Variants in CERK observed in about 807,000 individuals in gnomAD.
CERK encodes the protein ceramide kinase, also known as acylsphingosine kinase.
CERK carries 39 observed loss-of-function variants against 63.4 expected under a neutral mutation model. The ratio of observed to expected loss-of-function variants is 0.61; its 90% confidence interval spans 0.48 to 0.80. The LOEUF (loss-of-function observed/expected upper bound fraction) is 0.80. CERK is among the 30% of genes least tolerant of loss of function. The pLI, the probability that CERK is intolerant of heterozygous loss-of-function variation, is 0.00. For missense variants in CERK, 670 were observed against 714.1 expected, an observed-to-expected ratio of 0.94 and a Z score of 0.70; for synonymous variants, 302 against 280.0, an observed-to-expected ratio of 1.08 and a Z score of -0.78.
At chr22:46,712,510 CAT>C (rs756839635) in intron 3 of CERK, among the ~76,000 whole-genome samples, 7 of 152,224 alleles carry the variant, frequency 4.6e-5, no homozygotes, top group Non-Finnish European at 8.8e-5. Context: ...GCTATACACA[CAT>C]GTCGGACATC....
chr22:46,723,616 C>G (rs1280164577), intron 1 of CERK, among the ~76,000 whole-genome samples: 1 of 152,012 alleles, frequency 6.6e-6, no homozygotes, highest in Non-Finnish European at 1.5e-5. Flanking sequence ...GAGACTCAGT[C>G]TCAGGAAAAC....
At chr22:46,690,748 A>C (rs1043724076) in intron 11 of CERK, among the ~76,000 whole-genome samples, 4 of 152,164 alleles carry the variant, frequency 2.6e-5, no homozygotes, top group African/African-American at 4.8e-5. Context: ...AGGCTACAGA[A>C]AGATGTGGTA....
Position 46,720,836 on chromosome 22 carries a change from G to T in CERK, c.256+66C>A. The T allele has an allele frequency of 5.1e-6, 5 of 983,282 alleles. No homozygotes were observed. In the South Asian group the frequency reaches 6.7e-5, roughly 13 times the overall value. 60.9% of individuals were successfully genotyped at this position (983,282 alleles called of 1,614,324 possible). A position where few individuals can be genotyped will look rare whatever the true frequency, so the allele number is the denominator to read the frequency against. ...AGCTTGTTAAACAAGTAACAGAAAA[G>T]TTCCCTCTCGTGTAATCTACATAGA... On this transcript the variant is annotated intron_variant, in intron 2 of 12. Coordinates refer to ENST00000216264, the MANE Select transcript of CERK (RefSeq NM_022766.6).
rs753618098 is a variant in CERK at position 46,690,148 on chromosome 22, G to T, written c.1385C>A (p.Ser462Ter). Residue 462 changes from serine (S) to a stop codon, truncating the protein, a stop_gained, in exon 12 of 13, where the codon TCG becomes TAG. Coordinates refer to ENST00000216264, the MANE Select transcript of CERK (RefSeq NM_022766.6). LOFTEE classifies it high-confidence loss of function. The stretch of plus-strand genomic sequence containing the variant: ...GCTGTCCTCATCCTCCATGTGCTTC[G>T]ACGTAAACTGGAATTTCTTGACGCG... ...VYRVKKFQFT[S>*]KHMEDEDSDL... 6.2e-7 allele frequency: 1 copy of T among 1,613,976 alleles called. No individual in the cohort carries two copies. The highest frequency in any genetic ancestry group is 2.2e-5 in the East Asian group (1 of 44,866).
intron 1 of CERK, among the ~76,000 whole-genome samples, chr22:46,724,699 T>C (rs2082908914): frequency 6.6e-6 from 1 of 152,154 alleles, no homozygotes; most frequent in South Asian, 2.1e-4. Context: ...AAATGTCCGA[T>C]AAATGATGGC....
At chr22:46,717,319 G>T (rs1342962964) in intron 3 of CERK, among the ~76,000 whole-genome samples, 2 of 152,198 alleles carry the variant, frequency 1.3e-5, no homozygotes, top group African/African-American at 2.4e-5. Context: ...CAAAAGACAT[G>T]CTCTAGAATG....
rs6008958 is a variant in CERK, at chr22:46,714,068, T to C, written c.380-1775A>G. ...GGCAGATCACTTGAGGTCAGGTGTT[T>C]GAAACCAGCCTGGGCAACATGGTGA... On this transcript the variant is annotated intron_variant, in intron 3 of 12. Transcript: ENST00000216264. The surrounding 1 kb of genome is among the most constrained non-coding windows in gnomAD (Gnocchi z 4.4). 0.73 allele frequency among the ~76,000 whole-genome samples: 110,462 copies of C among 152,048 alleles called. 40,459 individuals carry two copies. Among genetic ancestry groups the C allele is most frequent in the Non-Finnish European group, 0.77 (52,279 of 67,982 alleles).
At chr22:46,687,657 A>G (rs1044868499) in intron 12 of CERK, among the ~76,000 whole-genome samples, 2 of 151,738 alleles carry the variant, frequency 1.3e-5, no homozygotes, top group African/African-American at 2.4e-5. Flanking sequence ...GGGCGACTCA[A>G]TGCGTGTAAG....
At chr22:46,728,049 C>T (rs1266918802) in intron 1 of CERK, among the ~76,000 whole-genome samples, 2 of 152,168 alleles carry the variant, frequency 1.3e-5, no homozygotes, top group African/African-American at 2.4e-5. Flanking sequence ...GGTGGAATTA[C>T]ACACCTGCGC....
At chr22:46,737,867 T>A in intron 1 of CERK, 140 bp downstream of exon 1, 121 of 227,982 alleles carry the variant, frequency 5.3e-4, no homozygotes, top group Middle Eastern at 2.1e-3. Context: ...CCCCGACCCC[T>A]CCCTGGCGCC....
intron 6 of CERK, among the ~76,000 whole-genome samples, chr22:46,702,726 C>T (rs1244379474): frequency 3.3e-5 from 5 of 152,254 alleles, no homozygotes; most frequent in Non-Finnish European, 7.3e-5. Context: ...GGGCCGGCTG[C>T]GGCTTATGCA....
At chr22:46,709,747 T>A (rs541959740) in intron 5 of CERK, among the ~76,000 whole-genome samples, 1 of 152,196 alleles carries the variant, frequency 6.6e-6, no homozygotes, top group East Asian at 1.9e-4. Context: ...ATAGCTAAAC[T>A]CAAGATGAAG....
intron 3 of CERK, among the ~76,000 whole-genome samples, 182 bp downstream of exon 3, chr22:46,719,904 C>T (rs1169409395): frequency 2.0e-5 from 3 of 152,234 alleles, no homozygotes; most frequent in Admixed American, 6.5e-5. Flanking sequence ...GGCTGTGGAG[C>T]CCATGCCCTT....
intron 1 of CERK, among the ~76,000 whole-genome samples, chr22:46,724,861 TAC>T (rs1220658700): frequency 5.9e-5 from 9 of 151,972 alleles, no homozygotes; most frequent in Admixed American, 1.3e-4. Context: ...CTACTAAAAA[TAC>T]ACAAAAAATT....
intron 2 of CERK, 90 bp from the exon 3 acceptor site, chr22:46,720,298 T>C (rs565849444): frequency 1.8e-5 from 27 of 1,497,842 alleles, no homozygotes; most frequent in East Asian, 2.4e-5. Context: ...CAGCTAATTA[T>C]AGGTTCCTAA....
At chr22:46,733,329 T>C (rs1601733458) in intron 1 of CERK, among the ~76,000 whole-genome samples, 1 of 151,622 alleles carries the variant, frequency 6.6e-6, no homozygotes, top group Non-Finnish European at 1.5e-5. Flanking sequence ...AGTCTCGCCG[T>C]GTTGCCCAGG....
At chr22:46,688,960 T>C (rs2082716492) in intron 12 of CERK, among the ~76,000 whole-genome samples, 1 of 152,246 alleles carries the variant, frequency 6.6e-6, no homozygotes, top group African/African-American at 2.4e-5. Context: ...ACTGGGTCTT[T>C]CCATGGAGAA....
At chr22:46,700,606 AGAAGAC>A (rs1268501888) in intron 7 of CERK, among the ~76,000 whole-genome samples, 2 of 152,104 alleles carry the variant, frequency 1.3e-5, no homozygotes, top group Non-Finnish European at 2.9e-5. Flanking sequence ...TCAGCTACTT[AGAAGAC>A]TGAGGTGGGA....
intron 8 of CERK, 123 bp downstream of exon 8, chr22:46,699,190 T>C: frequency 5.0e-6 from 5 of 1,007,272 alleles, no homozygotes; most frequent in Non-Finnish European, 7.6e-6. Flanking sequence ...GGCCCTTAGC[T>C]TCCCGTCTGT....
Sources: allele counts gnomAD v4.1 joint callset (sites outside exome capture counted in the v4.1 genomes callset), GRCh38; gene constraint gnomAD v4.1.1; non-coding constraint Gnocchi (gnomAD v3.1); transcripts MANE v1.5; gene names NCBI Gene and HGNC (gene_info 2026-07-23, HGNC 2026-07-21).